Variants in PRRC2B observed in about 807,000 individuals in gnomAD.
PRRC2B encodes the protein proline rich coiled-coil 2B.
Under a neutral mutation model 242.3 loss-of-function variants are expected in PRRC2B, and 68 were observed. That is an observed-to-expected ratio of 0.28 (90% CI 0.23 to 0.34). PRRC2B has a LOEUF of 0.34. PRRC2B is among the 10% of genes least tolerant of loss of function. PRRC2B has a pLI of 1.00. For synonymous variants in PRRC2B, 1,228 were observed against 1,173.6 expected (o/e 1.05, Z -0.95); for missense variants, 2,835 against 2,954.8 (o/e 0.96, Z 0.94).
In PRRC2B at chr9:131,446,262, A is replaced by G; in HGVS notation, c.614-139A>G. 1 of 1,050,114 alleles carries G rather than the reference A, an allele frequency of 9.5e-7. No individual in the cohort carries two copies. The highest frequency in any genetic ancestry group is 1.3e-6 in the Non-Finnish European group (1 of 743,064). 65.0% of individuals were successfully genotyped at this position (1,050,114 alleles called of 1,614,324 possible). A position where few individuals can be genotyped will look rare whatever the true frequency, so the allele number is the denominator to read the frequency against. ...CCCAACCTTCCCTGACAGATTTAAC[A>G]GTTCTTCACTTTTGGTGTTTTTTGT... On this transcript the variant is annotated intron_variant, in intron 6 of 31. Transcript: ENST00000683519. The surrounding 1 kb of genome is among the most constrained non-coding windows in gnomAD (Gnocchi z 4.1).
chr9:131,380,153 C>T (rs977150358), intron 1 of PRRC2B, among the ~76,000 whole-genome samples: 5 of 151,570 alleles, frequency 3.3e-5, no homozygotes, highest in Non-Finnish European at 5.9e-5. Flanking sequence ...CCACCACGCC[C>T]AGCTAATTTT....
At position 131,482,817 on chromosome 9, in the gene PRRC2B, A is replaced by G. The variant is rs781109050; in HGVS notation, c.5283A>G (p.Gln1761=). ...GCTCGGAGGGGGCCGAGCGGCTGCA[A>G]GGGGCTGTCGTCCCGCCTGTTAACG... ...RKGSEGAERL[Q]GAVVPPVNGV... is the part of the protein sequence containing the mutation. The change falls in exon 22 of 32, where the codon CAA becomes CAG. Residue 1761 remains glutamine, a synonymous_variant. Coordinates refer to ENST00000683519, the MANE Select transcript of PRRC2B (RefSeq NM_013318.4). This position sits in a 1 kb window ranked among gnomAD's most constrained non-coding sequence, Gnocchi z 5.2. 4 of 1,609,584 alleles carry G rather than the reference A, an allele frequency of 2.5e-6. No individual in the cohort carries two copies. In the East Asian group the frequency reaches 6.7e-5, roughly 27 times the overall value.
In PRRC2B at chr9:131,437,310, G is replaced by A. The variant is rs1204698256; in HGVS notation, c.396+588G>A. Among the ~76,000 whole-genome samples the A allele has an allele frequency of 6.6e-5, 10 of 152,282 alleles. No individual in the cohort carries two copies. In the East Asian group the frequency reaches 1.3e-3, roughly 21 times the overall value. On this transcript the variant is annotated intron_variant, in intron 4 of 31. Transcript: ENST00000683519. ...TAGGGACTAATGTCTCTCAGAACACGCTTTGGGAAATACGAAGCTACAATC... is the reference window on the plus strand; with the variant it reads ...TAGGGACTAATGTCTCTCAGAACACACTTTGGGAAATACGAAGCTACAATC...
intron 19 of PRRC2B, among the ~76,000 whole-genome samples, chr9:131,481,157 A>C (rs966880559): frequency 2.0e-5 from 3 of 151,900 alleles, no homozygotes; most frequent in Non-Finnish European, 2.9e-5. Flanking sequence ...ACAACAACAA[A>C]AAATTAGCCG....
At chr9:131,444,133 CGACT>C in intron 5 of PRRC2B, 48 bp from the exon 6 acceptor site, 3 of 1,602,300 alleles carry the variant, frequency 1.9e-6, no homozygotes, top group Non-Finnish European at 2.6e-6. Context: ...GGGAAGCAGA[CGACT>C]GTTGACTCCA....
Position 131,476,222 on chromosome 9 carries a change from A to T in PRRC2B, c.4093A>T (p.Asn1365Tyr), listed in dbSNP as rs898793637. The change falls in exon 16 of 32, where the codon AAC becomes TAC. Residue 1365 changes from asparagine to tyrosine, a missense_variant. Around this residue, in one of 7 missense-constraint regions of PRRC2B, gnomAD observed 1,536 missense variants for 1,483.1 expected, o/e 1.04. Coordinates refer to ENST00000683519, the MANE Select transcript of PRRC2B (RefSeq NM_013318.4). ...GRRSPELSYQ[N>Y]SSDHANEEWE... The stretch of plus-strand genomic sequence containing the variant: ...CAGGTCCCCTGAGCTCTCCTACCAG[A>T]ACTCCTCCGATCACGCCAATGAGGA... 2 of 1,613,296 alleles carry T rather than the reference A, an allele frequency of 1.2e-6. No individual in the cohort carries two copies. Among genetic ancestry groups the T allele is most frequent in the Non-Finnish European group, 1.7e-6 (2 of 1,179,748 alleles).
intron 28 of PRRC2B, among the ~76,000 whole-genome samples, chr9:131,489,327 C>T (rs921074281): frequency 2.0e-5 from 3 of 151,788 alleles, no homozygotes; most frequent in Non-Finnish European, 2.9e-5. Context: ...GCTGGGATTA[C>T]AGGCGCCCAC....
chr9:131,443,306 T>G (rs560497537), intron 5 of PRRC2B, among the ~76,000 whole-genome samples: 20 of 151,026 alleles, frequency 1.3e-4, no homozygotes, highest in African/African-American at 4.9e-4. Context: ...GCTAATTTTT[T>G]TTTGTATTTT....
In PRRC2B at chr9:131,486,419, A is replaced by G. The variant is rs189009341; in HGVS notation, c.5856+237A>G. On this transcript the variant is annotated intron_variant, in intron 26 of 31. Transcript: ENST00000683519. ...ACTCTGCTTAGTTTTCCTTTCTCAAAGTTCTCCCTCCTGTGTCCTAGCCGG... is the reference window on the plus strand; with the variant it reads ...ACTCTGCTTAGTTTTCCTTTCTCAAGGTTCTCCCTCCTGTGTCCTAGCCGG... 5.8e-5 allele frequency: 52 copies of G among 900,720 alleles called. No individual in the cohort carries two copies. In the East Asian group the frequency reaches 3.9e-3, roughly 68 times the overall value. The allele number at this position is 900,720 out of a possible 1,614,324, so 55.8% of individuals were successfully genotyped here.
At chr9:131,490,044 A>G (rs1005278820) in intron 28 of PRRC2B, among the ~76,000 whole-genome samples, 1 of 150,816 alleles carries the variant, frequency 6.6e-6, no homozygotes, top group Non-Finnish European at 1.5e-5. Context: ...TCTTCTCCTC[A>G]CTCCCAAATG....
intron 1 of PRRC2B, among the ~76,000 whole-genome samples, chr9:131,420,453 T>TTCTTTCTTTCTTTCTTTC (rs1554758580): frequency 4.4e-4 from 27 of 61,056 alleles, no homozygotes; most frequent in South Asian, 1.7e-3. Context: ...TTCTTTTTCT[T>TTCTTTCTTTCTTTCTTTC]TTTCTTTCTT....
At chr9:131,443,385 G>C (rs1204033863) in intron 5 of PRRC2B, among the ~76,000 whole-genome samples, 2 of 151,464 alleles carry the variant, frequency 1.3e-5, no homozygotes, top group Admixed American at 1.3e-4. Context: ...ATCCGCCCGC[G>C]TCGGCCTCCC....
chr9:131,481,829 C>T (rs1166623699), intron 20 of PRRC2B, 21 bp downstream of exon 20: 7 of 1,542,594 alleles, frequency 4.5e-6, no homozygotes, highest in Admixed American at 1.9e-5. Flanking sequence ...CCGCTGCCCA[C>T]ATGCTGCCCC....
chr9:131,434,063 T>TC lies in PRRC2B; in HGVS notation c.293+1276dup, dbSNP rs563457676. ...ATTGTTTGACTTCTGAGCCTCAGTGTCCCCCCCTTGAAATAGGAATGATAC... is the reference window on the plus strand; with the variant it reads ...ATTGTTTGACTTCTGAGCCTCAGTGTCCCCCCCCTTGAAATAGGAATGATAC... On this transcript the variant is annotated intron_variant, in intron 3 of 31. Transcript: ENST00000683519. Among the ~76,000 whole-genome samples, 35 of 152,014 alleles carry TC rather than the reference T, an allele frequency of 2.3e-4. 1 individual carries two copies. The highest frequency in any genetic ancestry group is 7.2e-4 in the African/African-American group (30 of 41,468).
intron 1 of PRRC2B, among the ~76,000 whole-genome samples, chr9:131,376,353 CA>C (rs34978838): frequency 2.3e-3 from 261 of 112,414 alleles, no homozygotes; most frequent in Middle Eastern, 5.1e-3. Flanking sequence ...GACTCCATCT[CA>C]AAAAAAAAAA....
At chr9:131,464,617 G>T in intron 11 of PRRC2B, 146 bp from the exon 12 acceptor site, 1 of 715,548 alleles carries the variant, frequency 1.4e-6, no homozygotes, top group Non-Finnish European at 2.3e-6. Flanking sequence ...AGCAGGATTC[G>T]AACCCAGCTC....
At chr9:131,491,287 A>G (rs1944186382) in intron 28 of PRRC2B, 138 bp from the exon 29 acceptor site, 2 of 870,096 alleles carry the variant, frequency 2.3e-6, no homozygotes. Context: ...AAATTAGAGC[A>G]TGTCCTGCTT....
chr9:131,492,329 C>T lies in PRRC2B; in HGVS notation c.6473+69C>T, dbSNP rs529037377. 3.1e-5 allele frequency: 40 copies of T among 1,296,440 alleles called. No homozygotes were observed. In the South Asian group the frequency reaches 4.2e-4, roughly 13 times the overall value. The allele number at this position is 1,296,440 out of a possible 1,614,324, so 80.3% of individuals were successfully genotyped here. A position where few individuals can be genotyped will look rare whatever the true frequency, so the allele number is the denominator to read the frequency against. The stretch of plus-strand genomic sequence containing the variant: ...TTGCCAGAGCTGCGGCCCAGTGACT[C>T]AGAAGAATCTGGGCCCAGGGAGAGC... On this transcript the variant is annotated intron_variant, in intron 30 of 31. Coordinates refer to ENST00000683519, the MANE Select transcript of PRRC2B (RefSeq NM_013318.4).
At chr9:131,444,624 A>G (rs1280370058) in intron 6 of PRRC2B, among the ~76,000 whole-genome samples, 1 of 152,144 alleles carries the variant, frequency 6.6e-6, no homozygotes. Flanking sequence ...CAAAGGACCA[A>G]TTAACTTAGG....
Sources: allele counts gnomAD v4.1 joint callset (sites outside exome capture counted in the v4.1 genomes callset), GRCh38; gene constraint gnomAD v4.1.1; regional missense constraint gnomAD v4.1.1; non-coding constraint Gnocchi (gnomAD v3.1); transcripts MANE v1.5; gene names NCBI Gene and HGNC (gene_info 2026-07-23, HGNC 2026-07-21).